UCMA: variants seen among roughly 807,000 people sequenced by gnomAD.
UCMA encodes upper zone of growth plate and cartilage matrix associated, also known as upper zone of growth plate and cartilage matrix-associated protein.
UCMA carries 21 observed loss-of-function variants against 21.8 expected under a neutral mutation model. The observed-to-expected ratio is 0.97, with a 90% CI of 0.68 to 1.39. The LOEUF (loss-of-function observed/expected upper bound fraction) is 1.39, where lower values mean the gene tolerates loss of function less well. Ranked by LOEUF, UCMA falls within the 40% of genes most tolerant of loss-of-function variation. The probability of loss-of-function intolerance (pLI) is 0.00; values close to 1 mark genes in which losing one functional copy is unlikely to be tolerated. For missense variants in UCMA, 193 were observed against 178.9 expected (o/e 1.08, Z -0.45); for synonymous variants, 76 against 67.9 (o/e 1.12, Z -0.58).
chr10:13,227,743 T>TACACACACACACACACACACACAC (rs55831241), intron 4 of UCMA, among the ~76,000 whole-genome samples: 3 of 110,676 alleles, frequency 2.7e-5, no homozygotes, highest in South Asian at 3.6e-4. Context: ...GGAAAGGAAA[T>TACACACACACACACACACACACAC]ACACACACAC....
At chr10:13,229,225 T>C (rs1834865780) in intron 4 of UCMA, among the ~76,000 whole-genome samples, 1 of 152,098 alleles carries the variant, frequency 6.6e-6, no homozygotes, top group African/African-American at 2.4e-5. Flanking sequence ...CATGAGCGAC[T>C]GCGCCCGGCC....
At chr10:13,222,821 C>T (rs1834775461) in intron 4 of UCMA, among the ~76,000 whole-genome samples, 1 of 151,848 alleles carries the variant, frequency 6.6e-6, no homozygotes, top group African/African-American at 2.4e-5. Context: ...CCTCCTTTCA[C>T]CATGCCTGGC....
Position 13,234,248 on chromosome 10 carries a change from C to T in UCMA, c.11G>A (p.Arg4Lys). The change falls in exon 1 of 5, where the codon AGA (arginine) becomes AAA (lysine). Residue 4 changes from arginine (R) to lysine (K), a missense_variant. Physicochemically the swap from Arg to Lys is conservative, Grantham distance 26. Coordinates refer to ENST00000378681, the MANE Select transcript of UCMA (RefSeq NM_145314.3). The stretch of plus-strand genomic sequence containing the variant: ...GAAGCAAGACAGCAGGACGGCCTGT[C>T]TCCAAGTCATCTTTGCAGAGGTAGG... Reference protein sequence around the residue: MTWRQAVLLSCFSA... With the variant: MTWKQAVLLSCFSA... 1.2e-6 allele frequency: 2 copies of T among 1,613,898 alleles called. No homozygotes were observed. The highest frequency in any genetic ancestry group is 1.7e-6 in the Non-Finnish European group (2 of 1,179,962).
chr10:13,230,806 C>T (rs1201744939), intron 3 of UCMA, among the ~76,000 whole-genome samples: 1 of 152,200 alleles, frequency 6.6e-6, no homozygotes, highest in Admixed American at 6.5e-5. Flanking sequence ...CCTGTAATCC[C>T]AGCACTTTGG....
chr10:13,233,487 G>T, intron 3 of UCMA, 51 bp downstream of exon 3: 2 of 1,469,436 alleles, frequency 1.4e-6, no homozygotes, highest in Non-Finnish European at 1.9e-6. Flanking sequence ...GCCGGGGGGT[G>T]TGAGCAGAGG....
intron 4 of UCMA, among the ~76,000 whole-genome samples, chr10:13,227,049 A>T (rs1316592099): frequency 6.6e-6 from 1 of 152,178 alleles, no homozygotes; most frequent in Non-Finnish European, 1.5e-5. Context: ...CAAGATAAAC[A>T]CATCTCTAGC....
chr10:13,230,557 C>A (rs987876058), intron 3 of UCMA, among the ~76,000 whole-genome samples: 1 of 152,144 alleles, frequency 6.6e-6, no homozygotes, highest in Non-Finnish European at 1.5e-5. Context: ...GCACGCCTCA[C>A]GATCTCACAG....
chr10:13,224,083 G>C (rs1428465444), intron 4 of UCMA, among the ~76,000 whole-genome samples: 1 of 152,168 alleles, frequency 6.6e-6, no homozygotes, highest in Admixed American at 6.5e-5. Flanking sequence ...CAGCACTTTG[G>C]GGGGCCAAGC....
At chr10:13,232,391 AAAAAG>A (rs1396453482) in intron 3 of UCMA, among the ~76,000 whole-genome samples, 3 of 150,422 alleles carry the variant, frequency 2.0e-5, no homozygotes, top group East Asian at 2.0e-4. Context: ...AAAAAAAAAA[AAAAAG>A]AGGACAGAAG....
At chr10:13,228,063 TTC>T (rs1834847729) in intron 4 of UCMA, among the ~76,000 whole-genome samples, 2 of 151,684 alleles carry the variant, frequency 1.3e-5, no homozygotes, top group Non-Finnish European at 2.9e-5. Flanking sequence ...GCCTTTTCTT[TTC>T]TTTTTTTTTT....
chr10:13,231,895 C>T (rs912706108), intron 3 of UCMA, among the ~76,000 whole-genome samples: 1 of 152,252 alleles, frequency 6.6e-6, no homozygotes, highest in Non-Finnish European at 1.5e-5. Flanking sequence ...CCTGAGGCAT[C>T]GCTGGGCACT....
At chr10:13,223,700 T>A (rs923118188) in intron 4 of UCMA, among the ~76,000 whole-genome samples, 1 of 152,082 alleles carries the variant, frequency 6.6e-6, no homozygotes, top group Non-Finnish European at 1.5e-5. Flanking sequence ...TACAGGTGCA[T>A]GCCACCACGC....
At chr10:13,223,479 C>T (rs1199043074) in intron 4 of UCMA, among the ~76,000 whole-genome samples, 1 of 152,154 alleles carries the variant, frequency 6.6e-6, no homozygotes, top group Non-Finnish European at 1.5e-5. Context: ...TAAAAATATT[C>T]TGCTGAGTGA....
Position 13,232,139 on chromosome 10 carries a change from C to T in UCMA, c.220+1399G>A, listed in dbSNP as rs189484381. On this transcript the variant is annotated intron_variant, in intron 3 of 4. Coordinates refer to ENST00000378681, the MANE Select transcript of UCMA (RefSeq NM_145314.3). ...CTGTAATCTCAGCACTCTAAGAGGCCGAGGCAGGGGGGTCACCTGAGTTCA... is the reference window on the plus strand; with the variant it reads ...CTGTAATCTCAGCACTCTAAGAGGCTGAGGCAGGGGGGTCACCTGAGTTCA... Among the ~76,000 whole-genome samples, 5 of 138,758 alleles carry T rather than the reference C, an allele frequency of 3.6e-5. No individual in the cohort carries two copies. The East Asian group carries it at 1.2e-3, about 34-fold the overall frequency. 91.0% of individuals were successfully genotyped at this position (138,758 alleles called of 152,430 possible).
intron 4 of UCMA, among the ~76,000 whole-genome samples, chr10:13,224,630 TAC>T (rs943344619): frequency 9.9e-5 from 15 of 152,168 alleles, no homozygotes; most frequent in African/African-American, 3.1e-4. Context: ...CTGATTTTGG[TAC>T]TAGCGAAAGT....
At chr10:13,224,021 C>T (rs1043242150) in intron 4 of UCMA, among the ~76,000 whole-genome samples, 3 of 152,112 alleles carry the variant, frequency 2.0e-5, no homozygotes, top group African/African-American at 7.2e-5. Flanking sequence ...GCTGCTGAAT[C>T]GTATGCTTAA....
intron 4 of UCMA, 45 bp from the exon 5 acceptor site, chr10:13,222,245 G>A (rs773230985): frequency 6.4e-7 from 1 of 1,572,036 alleles, no homozygotes; most frequent in Admixed American, 1.8e-5. Flanking sequence ...GGGGGACTCT[G>A]ACCTGCCACT....
rs1252510415 is a variant in UCMA at position 13,222,173 on chromosome 10, A to G, written c.347T>C (p.Val116Ala). The change falls in exon 5 of 5, where the codon GTG (valine) becomes GCG (alanine). Residue 116 changes from valine (V) to alanine (A), a missense_variant. Coordinates refer to ENST00000378681, the MANE Select transcript of UCMA (RefSeq NM_145314.3). ...DEQEERSREA[V>A]EQWRQWHYDG... ...ATAGTGCCACTGGCGCCACTGCTCC[A>G]CAGCCTCCCGGCTCCTCTCTTCCTG... 9.3e-6 allele frequency: 15 copies of G among 1,614,040 alleles called. No homozygotes were observed. In the South Asian group the frequency reaches 1.5e-4, roughly 17 times the overall value.
chr10:13,233,776 G>C lies in UCMA; in HGVS notation c.83C>G (p.Ser28Cys). 6.2e-7 allele frequency: 1 copy of C among 1,613,880 alleles called. No homozygotes were observed. Among genetic ancestry groups the C allele is most frequent in the Non-Finnish European group, 8.5e-7 (1 of 1,179,992 alleles). The change falls in exon 2 of 5, where the codon TCT becomes TGT. Residue 28 changes from serine (S) to cysteine (C), a missense_variant. By Grantham distance (112) the Ser-to-Cys change is moderately radical. Transcript: ENST00000378681. ...TCCCGCCATCTGCATGGTGCCCACA[G>C]ATACACTGGTTCCCTCTCTCAGCAC... The part of the protein sequence containing the change: ...LSMLREGTSV[S>C]VGTMQMAGEE...
Sources: allele counts gnomAD v4.1 joint callset (sites outside exome capture counted in the v4.1 genomes callset), GRCh38; gene constraint gnomAD v4.1.1; transcripts MANE v1.5; gene names NCBI Gene and HGNC (gene_info 2026-07-23, HGNC 2026-07-21).